The following C14orf39 variants were observed in gnomAD, a reference collection of about 807,000 sequenced individuals.
The protein encoded by C14orf39 is protein SIX6OS1.
Under a neutral mutation model 85.6 loss-of-function variants are expected in C14orf39, and 66 were observed. That is an observed-to-expected ratio of 0.77 (90% CI 0.63 to 0.95). The LOEUF (loss-of-function observed/expected upper bound fraction) is 0.95. C14orf39 is among the 40% of genes least tolerant of loss of function. The pLI is 0.00. For missense variants in C14orf39, 735 were observed against 663.9 expected (o/e 1.11, Z -1.18); for synonymous variants, 242 against 214.0 (o/e 1.13, Z -1.14).
chr14:60,476,586 C>T (rs1267382243), intron 5 of C14orf39, among the ~76,000 whole-genome samples: 1 of 152,188 alleles, frequency 6.6e-6, no homozygotes, highest in Non-Finnish European at 1.5e-5. Flanking sequence ...CACTTTAATA[C>T]CTTCAGTTAG....
At chr14:60,460,527 TCAGA>T (rs1056926940) in intron 13 of C14orf39, among the ~76,000 whole-genome samples, 20 of 151,432 alleles carry the variant, frequency 1.3e-4, no homozygotes, top group Admixed American at 1.2e-3. Context: ...AAGTCAGTTA[TCAGA>T]CAAAAAGAGA....
rs151198428 is a variant in C14orf39 at position 60,476,738 on chromosome 14, T to C, written c.323+1562A>G. Reference sequence around the variant, plus strand: ...TGACAGATGCTATAAGAAGCAGTTATATATACTGTGTTTGGGGCTGGGGGA... The same window carrying C: ...TGACAGATGCTATAAGAAGCAGTTACATATACTGTGTTTGGGGCTGGGGGA... On this transcript the variant is annotated intron_variant, in intron 5 of 17. Coordinates refer to ENST00000321731, the MANE Select transcript of C14orf39 (RefSeq NM_174978.3). Among the ~76,000 whole-genome samples, 796 of 152,288 alleles carry C rather than the reference T, an allele frequency of 5.2e-3. 16 individuals are homozygous for C. The highest frequency in any genetic ancestry group is 0.018 in the African/African-American group (745 of 41,560).
At chr14:60,501,137 A>T (rs1404397991) in intron 1 of C14orf39, among the ~76,000 whole-genome samples, 1 of 152,016 alleles carries the variant, frequency 6.6e-6, no homozygotes, top group Non-Finnish European at 1.5e-5. Flanking sequence ...CCCTGTCTCT[A>T]CACACACAAA....
chr14:60,471,296 A>G (rs372212935), intron 7 of C14orf39, 121 bp downstream of exon 7: 7 of 862,820 alleles, frequency 8.1e-6, no homozygotes, highest in East Asian at 5.6e-5. Flanking sequence ...TACTTTTTAA[A>G]TATTTTAATT....
chr14:60,506,534 G>C (rs1334177337), intron 1 of C14orf39, among the ~76,000 whole-genome samples: 1 of 152,162 alleles, frequency 6.6e-6, no homozygotes, highest in African/African-American at 2.4e-5. Context: ...ACTTCTTCCT[G>C]TTCGTCCCTT....
intron 13 of C14orf39, among the ~76,000 whole-genome samples, chr14:60,460,864 T>C (rs575760605): frequency 1.3e-5 from 2 of 151,804 alleles, no homozygotes; most frequent in Admixed American, 6.6e-5. Context: ...TATAGAGGCA[T>C]TATTTATAAT....
At chr14:60,477,342 C>T (rs1892425902) in intron 5 of C14orf39, among the ~76,000 whole-genome samples, 1 of 151,980 alleles carries the variant, frequency 6.6e-6, no homozygotes, top group Admixed American at 6.6e-5. Context: ...TAGAGTATTG[C>T]ATTCTAGATT....
rs747099585 is a variant in C14orf39, at chr14:60,442,105, A to C, written c.1530T>G (p.Asn510Lys). ...CTTGCTCTGATGACAGAGGATTTAG[A>C]TTTCTTGCAGAATAATGTTCATTAA... ...DQFNEHYSARNLNPLSSEQEI... is the reference protein window; with the variant it reads ...DQFNEHYSARKLNPLSSEQEI... Residue 510 changes from asparagine to lysine, a missense_variant, in exon 17 of 18, where the codon AAT becomes AAG. By Grantham distance (94) the Asn-to-Lys change is moderately conservative. Coordinates refer to ENST00000321731, the MANE Select transcript of C14orf39 (RefSeq NM_174978.3). The C allele has an allele frequency of 6.2e-7, 1 of 1,610,312 alleles. No individual in the cohort carries two copies. Among genetic ancestry groups the C allele is most frequent in the Non-Finnish European group, 8.5e-7 (1 of 1,177,356 alleles).
In C14orf39 at chr14:60,471,640, C is replaced by A. The variant is rs1566673135; in HGVS notation, c.423G>T (p.Lys141Asn). 1 of 1,610,994 alleles carries A rather than the reference C, an allele frequency of 6.2e-7. No homozygotes were observed. The highest frequency in any genetic ancestry group is 8.5e-7 in the Non-Finnish European group (1 of 1,178,254). ...TTTGAATTTCTTCATGTTCTCTTTT[C>A]TTCTCATAATATTCACGTGAAAAGG... ...ETPFSREYYE[K>N]KREHEEIQSR... is the part of the protein sequence containing the mutation. The change falls in exon 6 of 18, where the codon AAG becomes AAT. Residue 141 changes from lysine to asparagine, a missense_variant. Coordinates refer to ENST00000321731, the MANE Select transcript of C14orf39 (RefSeq NM_174978.3).
chr14:60,449,692 G>A (rs1890947247), intron 16 of C14orf39, among the ~76,000 whole-genome samples: 2 of 151,836 alleles, frequency 1.3e-5, no homozygotes, highest in South Asian at 4.2e-4. Context: ...TCTATTGTTT[G>A]TTTTTCCATT....
intron 5 of C14orf39, among the ~76,000 whole-genome samples, chr14:60,475,278 G>A (rs564247928): frequency 1.3e-5 from 2 of 152,082 alleles, no homozygotes; most frequent in African/African-American, 4.8e-5. Flanking sequence ...GCATCTATTT[G>A]ATTCTTCTGT....
At position 60,469,548 on chromosome 14, in the gene C14orf39, A is replaced by C; in HGVS notation, c.660T>G (p.Ile220Met). The stretch of plus-strand genomic sequence containing the variant: ...AAATATATACCTGGTTTAAATAATT[A>C]ATTTCTATTTCCATTTCATCTACTT... ...KKEVDEMEIE[I>M]NYLNQQISRH... Residue 220 changes from isoleucine to methionine, a missense_variant, in exon 8 of 18, where the codon ATT (isoleucine) becomes ATG (methionine). Transcript: ENST00000321731. 1 of 1,442,364 alleles carries C rather than the reference A, an allele frequency of 6.9e-7. No homozygotes were observed. The highest frequency in any genetic ancestry group is 9.4e-7 in the Non-Finnish European group (1 of 1,066,136). 89.3% of individuals were successfully genotyped at this position (1,442,364 alleles called of 1,614,324 possible). A position where few individuals can be genotyped will look rare whatever the true frequency, so the allele number is the denominator to read the frequency against.
intron 5 of C14orf39, among the ~76,000 whole-genome samples, chr14:60,477,091 T>C (rs1000415819): frequency 4.6e-5 from 7 of 152,200 alleles, no homozygotes; most frequent in African/African-American, 1.7e-4. Flanking sequence ...TCAAGATGAT[T>C]ATTTAGTCAA....
At chr14:60,490,438 TATAAATAAATAAATGAATAAATAA>T (rs754030889), upstream of C14orf39, among the ~76,000 whole-genome samples, 18 of 105,276 alleles carry the variant, frequency 1.7e-4, no homozygotes, top group East Asian at 6.4e-4. Flanking sequence ...AACCCATCTC[TATAAATAAATAAATGAATAAATAA>T]ATAAATAAAT....
At chr14:60,478,191 A>AAAAAAAAAAAAAAT in intron 5 of C14orf39, 109 bp downstream of exon 5, 3 of 232,528 alleles carry the variant, frequency 1.3e-5, no homozygotes, top group African/African-American at 2.3e-5. Flanking sequence ...AAAAAAAAAA[A>AAAAAAAAAAAAAAT]GAAACTCCTT....
intron 16 of C14orf39, among the ~76,000 whole-genome samples, chr14:60,442,535 C>A (rs767655053): frequency 6.6e-6 from 1 of 152,050 alleles, no homozygotes; most frequent in Non-Finnish European, 1.5e-5. Context: ...GTAAAACAGG[C>A]TTTTAAAAAA....
intron 4 of C14orf39, among the ~76,000 whole-genome samples, chr14:60,479,206 T>C (rs1057284070): frequency 6.6e-6 from 1 of 152,194 alleles, no homozygotes; most frequent in Admixed American, 6.5e-5. Context: ...TTAACATCAT[T>C]GAGAGCTTAT....
intron 1 of C14orf39, among the ~76,000 whole-genome samples, chr14:60,501,370 A>G (rs1001042645): frequency 4.6e-5 from 7 of 151,600 alleles, no homozygotes; most frequent in African/African-American, 1.7e-4. Flanking sequence ...AAGAGTTTTC[A>G]CATCCACACA....
At chr14:60,508,397 CTCCCCCT>C in intron 1 of C14orf39, among the ~76,000 whole-genome samples, 1 of 152,082 alleles carries the variant, frequency 6.6e-6, no homozygotes, top group African/African-American at 2.4e-5. Flanking sequence ...AAGTATATTT[CTCCCCCT>C]TTATTTGGAG....
Sources: gnomAD v4.1 joint callset for allele counts (sites outside exome capture counted in the v4.1 genomes callset) on GRCh38, gnomAD v4.1.1 for gene constraint, MANE v1.5 for transcripts, NCBI Gene and HGNC (gene_info 2026-07-23, HGNC 2026-07-21) for gene names.